The following ERC2 variants were observed in gnomAD, a reference collection of about 807,000 sequenced individuals.
The protein encoded by ERC2 is ELKS/RAB6-interacting/CAST family member 2.
A neutral mutation model predicts 114.8 loss-of-function variants in ERC2; 42 were observed. That is an observed-to-expected ratio of 0.37 (90% CI 0.29 to 0.47). The LOEUF (loss-of-function observed/expected upper bound fraction) is 0.47, where lower values mean the gene tolerates loss of function less well. Ranked by LOEUF, ERC2 falls within the 20% of genes least tolerant of loss-of-function variation. The pLI is 0.99. For missense variants in ERC2, 939 were observed against 1,150.7 expected (o/e 0.82, Z 2.66); for synonymous variants, 454 against 425.5 (o/e 1.07, Z -0.82).
chr3:55,705,226 A>G lies in ERC2; in HGVS notation c.2713-5714T>C, dbSNP rs549621363. The stretch of plus-strand genomic sequence containing the variant: ...CTCCAGCTGAGGGCAGAGGCATCAA[A>G]TAAGGCTCCATGGGTCAAACGCCCC... On this transcript the variant is annotated intron_variant, in intron 15 of 17. Coordinates refer to ENST00000288221, the MANE Select transcript of ERC2 (RefSeq NM_015576.3). Among the ~76,000 whole-genome samples the G allele has an allele frequency of 9.2e-5, 14 of 152,316 alleles. No individual in the cohort carries two copies. In the East Asian group the frequency reaches 2.7e-3, roughly 29 times the overall value.
At chr3:55,991,970 C>T in intron 11 of ERC2, 87 bp downstream of exon 11, 1 of 1,152,526 alleles carries the variant, frequency 8.7e-7, no homozygotes, top group South Asian at 1.5e-5. Flanking sequence ...TATGAATGTA[C>T]AGTCCAAATC....
chr3:56,268,159 C>T (rs1037564869), intron 3 of ERC2, among the ~76,000 whole-genome samples: 11 of 152,244 alleles, frequency 7.2e-5, no homozygotes, highest in East Asian at 3.9e-4. Flanking sequence ...TTTTACTGGA[C>T]GTTTTCTATG....
intron 14 of ERC2, among the ~76,000 whole-genome samples, chr3:55,877,366 A>T (rs935398832): frequency 3.3e-5 from 5 of 152,168 alleles, no homozygotes; most frequent in African/African-American, 9.7e-5. Context: ...GCCTGTTCAC[A>T]GATGGAAAGA....
At chr3:56,433,981 A>G (rs1182355922) in intron 2 of ERC2, 2 of 203,792 alleles carry the variant, frequency 9.8e-6, no homozygotes, top group Non-Finnish European at 2.0e-5. Context: ...TAAAGTCTTT[A>G]TTCTTACAGA....
intron 3 of ERC2, among the ~76,000 whole-genome samples, chr3:56,248,088 T>C (rs1345746536): frequency 6.6e-6 from 1 of 152,132 alleles, no homozygotes; most frequent in East Asian, 1.9e-4. Context: ...CCTTAGTTTG[T>C]TGGTTTATTT....
intron 17 of ERC2, among the ~76,000 whole-genome samples, chr3:55,575,746 A>G (rs751476904): frequency 3.3e-5 from 5 of 152,170 alleles, no homozygotes; most frequent in African/African-American, 4.8e-5. Context: ...GACCAAGGGC[A>G]CCAAATTTAC....
At chr3:55,555,599 C>T (rs2055546855) in intron 17 of ERC2, among the ~76,000 whole-genome samples, 1 of 152,240 alleles carries the variant, frequency 6.6e-6, no homozygotes, top group Admixed American at 6.5e-5. Context: ...GTTGGATCAA[C>T]CTCTTACCAC....
intron 15 of ERC2, among the ~76,000 whole-genome samples, chr3:55,715,190 A>G (rs955711466): frequency 6.6e-6 from 1 of 152,174 alleles, no homozygotes; most frequent in African/African-American, 2.4e-5. Context: ...AAACAGCTGG[A>G]TGGGAAAGGA....
At chr3:56,326,413 A>T (rs1386003642) in intron 2 of ERC2, among the ~76,000 whole-genome samples, 1 of 152,148 alleles carries the variant, frequency 6.6e-6, no homozygotes, top group East Asian at 1.9e-4. Context: ...AGATAGTTTG[A>T]ACAGTCTCAA....
intron 5 of ERC2, among the ~76,000 whole-genome samples, chr3:56,141,800 G>A (rs963272934): frequency 6.6e-6 from 1 of 151,926 alleles, no homozygotes; most frequent in African/African-American, 2.4e-5. Flanking sequence ...AACTCCACTC[G>A]ATCATTACAT....
chr3:56,153,040 G>T (rs1184183099), intron 4 of ERC2, among the ~76,000 whole-genome samples: 1 of 152,170 alleles, frequency 6.6e-6, no homozygotes, highest in Non-Finnish European at 1.5e-5. Context: ...GGGATGGGAA[G>T]ATTGAAATAA....
intron 17 of ERC2, among the ~76,000 whole-genome samples, chr3:55,548,464 T>C (rs2054913732): frequency 1.3e-5 from 2 of 152,210 alleles, no homozygotes; most frequent in Admixed American, 1.3e-4. Flanking sequence ...TCTACACAGT[T>C]ACTCTTAATT....
intron 3 of ERC2, among the ~76,000 whole-genome samples, chr3:56,289,721 AC>A (rs1232136668): frequency 1.3e-5 from 2 of 152,154 alleles, no homozygotes; most frequent in African/African-American, 2.4e-5. Context: ...GACTGGTTCT[AC>A]CGTGGATGAA....
chr3:56,096,698 A>G (rs1180798270), intron 6 of ERC2, among the ~76,000 whole-genome samples: 1 of 152,150 alleles, frequency 6.6e-6, no homozygotes, highest in Non-Finnish European at 1.5e-5. Context: ...ACATTTATAT[A>G]TTATTACACT....
At chr3:56,196,130 G>A (rs2048086795) in intron 3 of ERC2, among the ~76,000 whole-genome samples, 1 of 152,126 alleles carries the variant, frequency 6.6e-6, no homozygotes, top group Non-Finnish European at 1.5e-5. Context: ...GCTCCTAGGT[G>A]GGCTGCATCC....
intron 3 of ERC2, among the ~76,000 whole-genome samples, chr3:56,212,018 T>C (rs1165919463): frequency 6.6e-6 from 1 of 152,042 alleles, no homozygotes; most frequent in Non-Finnish European, 1.5e-5. Context: ...GAAAAACCTT[T>C]CTAGACATTG....
At chr3:55,516,003 C>T (rs1291413326) in intron 17 of ERC2, among the ~76,000 whole-genome samples, 1 of 152,184 alleles carries the variant, frequency 6.6e-6, no homozygotes, top group Non-Finnish European at 1.5e-5. Flanking sequence ...CATTATGTTC[C>T]ATGTGCTTTC....
At chr3:55,832,317 T>TGACC (rs1171330644) in intron 14 of ERC2, among the ~76,000 whole-genome samples, 2 of 152,234 alleles carry the variant, frequency 1.3e-5, no homozygotes, top group Non-Finnish European at 1.5e-5. Flanking sequence ...AGTGGGTCCC[T>TGACC]GACCCCTGAC....
At position 55,697,045 on chromosome 3, in the gene ERC2, G is replaced by A. The variant is rs189004819; in HGVS notation, c.2847+2333C>T. ...ATTAAGTTGGAGCTACCTTTTATCT[G>A]CCTTGTTCTGATTGACATGAACCAG... On this transcript the variant is annotated intron_variant, in intron 16 of 17. Coordinates refer to ENST00000288221, the MANE Select transcript of ERC2 (RefSeq NM_015576.3). Among the ~76,000 whole-genome samples, 29 of 152,260 alleles carry A rather than the reference G, an allele frequency of 1.9e-4. No individual in the cohort carries two copies. The East Asian group carries it at 4.1e-3, about 21-fold the overall frequency.
Sources: gnomAD v4.1 joint callset for allele counts (sites outside exome capture counted in the v4.1 genomes callset) on GRCh38, gnomAD v4.1.1 for gene constraint, MANE v1.5 for transcripts, NCBI Gene and HGNC (gene_info 2026-07-23, HGNC 2026-07-21) for gene names.